The following TIPIN variants were observed in gnomAD, a reference collection of about 807,000 sequenced individuals.
TIPIN encodes TIMELESS-interacting protein.
A neutral mutation model predicts 35.6 loss-of-function variants in TIPIN; 29 were observed. The observed-to-expected ratio is 0.82, with a 90% CI of 0.61 to 1.11. TIPIN has a LOEUF of 1.11. Ranked by LOEUF, TIPIN falls within the 50% of genes most tolerant of loss-of-function variation. The probability of loss-of-function intolerance (pLI) is 0.00; values close to 1 mark genes in which losing one functional copy is unlikely to be tolerated. For missense variants in TIPIN, 296 were observed against 345.4 expected (o/e 0.86, Z 1.13); for synonymous variants, 102 against 121.5 (o/e 0.84, Z 1.06).
At chr15:66,379,890 G>T (rs1250084693) in intron 1 of TIPIN, 93 of 1,562,436 alleles carry the variant, frequency 6.0e-5, no homozygotes, top group Non-Finnish European at 7.9e-5. Context: ...AATGTCGACA[G>T]TCTGATTAAT....
rs1566968921 is a variant in TIPIN, at chr15:66,337,142, T to C, written c.722A>G (p.Glu241Gly). The C allele has an allele frequency of 3.1e-6, 5 of 1,613,610 alleles. No homozygotes were observed. Among genetic ancestry groups the C allele is most frequent in the Non-Finnish European group, 1.7e-6 (2 of 1,179,754 alleles). ...MNTPRAHTVE[E>G]VNTDEDQKEE... Reference sequence around the variant, plus strand: ...CTTTTGATCCTCATCAGTATTAACCTCTTCAACCGTGTGTGCCCTGGGTGT... The same window carrying C: ...CTTTTGATCCTCATCAGTATTAACCCCTTCAACCGTGTGTGCCCTGGGTGT... Residue 241 changes from glutamate (E) to glycine (G), a missense_variant, in exon 8 of 8, where the codon GAG (glutamate) becomes GGG (glycine). Coordinates refer to ENST00000261881, the MANE Select transcript of TIPIN (RefSeq NM_017858.3).
intron 7 of TIPIN, among the ~76,000 whole-genome samples, chr15:66,339,795 G>A (rs756927860): frequency 1.2e-4 from 19 of 152,106 alleles, no homozygotes; most frequent in Admixed American, 2.0e-4. Context: ...AGTGAAAAGG[G>A]AATGCTAAAG....
At chr15:66,357,716 G>T (rs1245639068), upstream of TIPIN, among the ~76,000 whole-genome samples, 1 of 152,040 alleles carries the variant, frequency 6.6e-6, no homozygotes, top group Non-Finnish European at 1.5e-5. Context: ...CCAGCACTTT[G>T]GGAGGCCGAG....
At chr15:66,381,844 A>G (rs911819412) in intron 1 of TIPIN, among the ~76,000 whole-genome samples, 2 of 152,212 alleles carry the variant, frequency 1.3e-5, no homozygotes, top group African/African-American at 4.8e-5. Context: ...TGGGTGGATC[A>G]CCTCAGGTCA....
Position 66,376,531 on chromosome 15 carries a change from C to T in TIPIN, c.-9+10076G>A, listed in dbSNP as rs745889642. Reference sequence around the variant, plus strand: ...GCAACCTCTGCCTCCCAGGTTCAAGCGATTCTCCTGCCTCAGCCTCCTGAG... The same window carrying T: ...GCAACCTCTGCCTCCCAGGTTCAAGTGATTCTCCTGCCTCAGCCTCCTGAG... On this transcript the variant is annotated intron_variant, in intron 1 of 7. Coordinates refer to the TIPIN transcript ENST00000562124. Among the ~76,000 whole-genome samples, 7 of 151,790 alleles carry T rather than the reference C, an allele frequency of 4.6e-5. 1 individual carries two copies. The highest frequency in any genetic ancestry group is 4.4e-5 in the Non-Finnish European group (3 of 67,934).
At chr15:66,371,684 T>G (rs2093278290) in intron 1 of TIPIN, among the ~76,000 whole-genome samples, 1 of 151,914 alleles carries the variant, frequency 6.6e-6, no homozygotes, top group African/African-American at 2.4e-5. Context: ...TGGCTAATTT[T>G]TTTTTGAATT....
At chr15:66,385,503 T>G (rs1439613296) in intron 1 of TIPIN, among the ~76,000 whole-genome samples, 1 of 152,150 alleles carries the variant, frequency 6.6e-6, no homozygotes, top group Non-Finnish European at 1.5e-5. Context: ...GTTCTTTTTT[T>G]TTTTGAGACG....
At chr15:66,352,691 C>G in intron 2 of TIPIN, 124 bp downstream of exon 2, 1 of 1,048,896 alleles carries the variant, frequency 9.5e-7, no homozygotes, top group Non-Finnish European at 1.3e-6. Flanking sequence ...CCATGTTGGC[C>G]AGGCTGGTCT....
At chr15:66,379,713 G>C (rs537661790) in intron 1 of TIPIN, 1 of 1,609,802 alleles carries the variant, frequency 6.2e-7, no homozygotes, top group South Asian at 1.1e-5. Flanking sequence ...CCGAACGGTA[G>C]CCAGTTCTTT....
chr15:66,371,864 A>G (rs947942744), intron 1 of TIPIN, among the ~76,000 whole-genome samples: 4 of 151,724 alleles, frequency 2.6e-5, no homozygotes, highest in Admixed American at 2.0e-4. Context: ...GCATGCTCAT[A>G]GCTCACTGCA....
chr15:66,336,938 C>T lies in TIPIN; in HGVS notation c.*20G>A, dbSNP rs368509276. 1.9e-6 allele frequency: 3 copies of T among 1,599,138 alleles called. No individual in the cohort carries two copies. In the African/African-American group the frequency reaches 4.0e-5, roughly 21 times the overall value. On this transcript the variant is annotated 3_prime_UTR_variant, in exon 8 of 8. Transcript: ENST00000261881. ...TTGCAGGACGATGACTTAACAGATA[C>T]ATTTTCTCTTAATGGAAACTTATCT...
intron 1 of TIPIN, among the ~76,000 whole-genome samples, chr15:66,377,675 GT>G (rs1828194212): frequency 2.0e-5 from 3 of 149,260 alleles, no homozygotes; most frequent in Non-Finnish European, 4.5e-5. Context: ...TTTTTTGTTT[GT>G]TTTGTTTTTT....
At chr15:66,367,743 T>C (rs1179737815) in intron 1 of TIPIN, among the ~76,000 whole-genome samples, 3 of 151,006 alleles carry the variant, frequency 2.0e-5, no homozygotes, top group East Asian at 1.9e-4. Flanking sequence ...ATGTTTTTTT[T>C]CCAAGAAAAA....
chr15:66,376,361 A>G (rs1290682788), intron 1 of TIPIN, among the ~76,000 whole-genome samples: 1 of 152,112 alleles, frequency 6.6e-6, no homozygotes, highest in African/African-American at 2.4e-5. Flanking sequence ...TCTGTTTTAA[A>G]TAATGCTGCA....
intron 1 of TIPIN, among the ~76,000 whole-genome samples, chr15:66,371,753 G>A (rs532191459): frequency 9.9e-5 from 15 of 151,948 alleles, no homozygotes; most frequent in South Asian, 2.1e-4. Context: ...TCCTGACTTC[G>A]TGATCCGCCC....
chr15:66,347,245 A>T (rs765793612), intron 6 of TIPIN: 1 of 518,872 alleles, frequency 1.9e-6, no homozygotes, highest in Non-Finnish European at 3.8e-6. Flanking sequence ...TGATAACTAT[A>T]CAGACCCTGT....
intron 4 of TIPIN, 100 bp downstream of exon 4, chr15:66,351,425 T>A (rs2093167088): frequency 2.4e-6 from 2 of 837,330 alleles, no homozygotes; most frequent in South Asian, 2.9e-5. Flanking sequence ...CGACTAAGGA[T>A]AGTATCTTAA....
rs557719177 is a variant in TIPIN at position 66,368,800 on chromosome 15, GA to G, written c.-8-15846del. Among the ~76,000 whole-genome samples the G allele has an allele frequency of 3.3e-5, 5 of 152,244 alleles. No homozygotes were observed. The East Asian group carries it at 9.6e-4, about 29-fold the overall frequency. On this transcript the variant is annotated intron_variant, in intron 1 of 7. Coordinates refer to the TIPIN transcript ENST00000562124. ...TCAAGACGTTTAATTAGAGATATTT[GA>G]AAATGTCCTAGCCAAACAAACCTAC...
chr15:66,340,461 G>A (rs2093078383), intron 7 of TIPIN, among the ~76,000 whole-genome samples: 1 of 151,980 alleles, frequency 6.6e-6, no homozygotes, highest in South Asian at 2.1e-4. Flanking sequence ...ACAGGCATGA[G>A]CCACTGCACC....
Sources: allele counts gnomAD v4.1 joint callset (sites outside exome capture counted in the v4.1 genomes callset), GRCh38; gene constraint gnomAD v4.1.1; transcripts MANE v1.5; gene names NCBI Gene and HGNC (gene_info 2026-07-23, HGNC 2026-07-21).